Variants in LRP5 observed in about 807,000 individuals in gnomAD.
LRP5 encodes LDL receptor related protein 5.
LRP5 carries 62 observed loss-of-function variants against 154.1 expected under a neutral mutation model. The ratio of observed to expected loss-of-function variants is 0.40; its 90% CI spans 0.33 to 0.50. LRP5 has a LOEUF of 0.50. Ranked by LOEUF, LRP5 falls within the 20% of genes least tolerant of loss-of-function variation. The pLI is 0.55. For synonymous variants in LRP5, 966 were observed against 1,011.5 expected (o/e 0.96, Z 0.85); for missense variants, 1,915 against 2,336.7 (o/e 0.82, Z 3.72).
Position 68,447,018 on chromosome 11 carries a change from A to G in LRP5, c.4586+485A>G, listed in dbSNP as rs538062062. Reference sequence around the variant, plus strand: ...GGATGGTCCGGGCTGCTCACTTGCCACAGTGGCCTGTTTGAGCCCGGGAAG... The same window carrying G: ...GGATGGTCCGGGCTGCTCACTTGCCGCAGTGGCCTGTTTGAGCCCGGGAAG... On this transcript the variant is annotated intron_variant, in intron 22 of 22. Coordinates refer to ENST00000294304, the MANE Select transcript of LRP5 (RefSeq NM_002335.4). The surrounding 1 kb of genome is among the most constrained non-coding windows in gnomAD (Gnocchi z 4.3). 11 of 187,770 alleles carry G rather than the reference A, an allele frequency of 5.9e-5. No individual in the cohort carries two copies. The South Asian group carries it at 9.6e-4, about 16-fold the overall frequency. 11.6% of individuals were successfully genotyped at this position (187,770 alleles called of 1,614,324 possible). A position where few individuals can be genotyped will look rare whatever the true frequency, so the allele number is the denominator to read the frequency against.
intron 11 of LRP5, 74 bp downstream of exon 11, chr11:68,411,694 G>A (rs1343141991): frequency 1.0e-5 from 15 of 1,471,956 alleles, no homozygotes; most frequent in Middle Eastern, 2.2e-4. Flanking sequence ...CAGCCTCGCC[G>A]CACATACCCT....
intron 5 of LRP5, among the ~76,000 whole-genome samples, chr11:68,376,584 G>A (rs536343950): frequency 2.0e-5 from 3 of 152,326 alleles, no homozygotes; most frequent in South Asian, 2.1e-4. Context: ...CGTCCTGGCC[G>A]GCCCCCAAGG....
intron 5 of LRP5, among the ~76,000 whole-genome samples, chr11:68,368,847 C>CTTT (rs1158183018): frequency 1.5e-5 from 2 of 132,200 alleles, no homozygotes; most frequent in African/African-American, 5.8e-5. Flanking sequence ...TGAAGGATAT[C>CTTT]TTTTTTTTTT....
chr11:68,381,949 C>T (rs1011838864), intron 5 of LRP5, among the ~76,000 whole-genome samples: 1 of 152,234 alleles, frequency 6.6e-6, no homozygotes, highest in African/African-American at 2.4e-5. Flanking sequence ...GGTACTCTCT[C>T]TGCAGCTGCT....
chr11:68,411,764 G>C, intron 11 of LRP5, 144 bp downstream of exon 11: 1 of 849,286 alleles, frequency 1.2e-6, no homozygotes, highest in Non-Finnish European at 1.8e-6. Context: ...CTGCCCAGCA[G>C]CCTCACCCTC....
At chr11:68,395,650 C>A (rs2098648891) in intron 7 of LRP5, among the ~76,000 whole-genome samples, 1 of 152,132 alleles carries the variant, frequency 6.6e-6, no homozygotes, top group Non-Finnish European at 1.5e-5. Context: ...CCTTTCTTTA[C>A]CCTCTGTGGC....
intron 6 of LRP5, among the ~76,000 whole-genome samples, chr11:68,389,168 C>T (rs113815563): frequency 5.3e-5 from 8 of 149,732 alleles, no homozygotes; most frequent in Admixed American, 1.3e-4. Flanking sequence ...TTACCGACAC[C>T]GACATTTACC....
At chr11:68,448,710 C>T (rs2098682754) in intron 22 of LRP5, 99 bp from the exon 23 acceptor site, 1 of 1,463,124 alleles carries the variant, frequency 6.8e-7, no homozygotes, top group Non-Finnish European at 9.4e-7. Context: ...TGGAGCTGGC[C>T]AGTGGACAGG....
chr11:68,436,294 CT>C (rs1368212687), intron 18 of LRP5, among the ~76,000 whole-genome samples: 1 of 152,144 alleles, frequency 6.6e-6, no homozygotes, highest in African/African-American at 2.4e-5. Context: ...AGCAAGTTCT[CT>C]GGGGGCAGGC....
intron 6 of LRP5, among the ~76,000 whole-genome samples, chr11:68,387,466 G>A (rs752287903): frequency 6.6e-6 from 1 of 152,196 alleles, no homozygotes; most frequent in Non-Finnish European, 1.5e-5. Flanking sequence ...TTCATCCAGG[G>A]GGGTAGGTAC....
intron 1 of LRP5, among the ~76,000 whole-genome samples, chr11:68,338,747 G>A (rs142824040): frequency 6.6e-6 from 1 of 152,184 alleles, no homozygotes; most frequent in African/African-American, 2.4e-5. Context: ...AAAAGAAGAC[G>A]TTCCCAGGGG....
intron 4 of LRP5, among the ~76,000 whole-genome samples, chr11:68,364,787 G>A (rs2098630027): frequency 6.6e-6 from 1 of 152,188 alleles, no homozygotes; most frequent in Non-Finnish European, 1.5e-5. Flanking sequence ...ACACAGGAGG[G>A]TGGGGCTCTC....
chr11:68,310,211 G>T (rs1343854890), upstream of LRP5, among the ~76,000 whole-genome samples: 1 of 152,130 alleles, frequency 6.6e-6, no homozygotes, highest in Non-Finnish European at 1.5e-5. Context: ...TTTCAACAGG[G>T]GTCCTCAGGC....
Position 68,408,757 on chromosome 11 carries a change from G to A in LRP5, c.2092-1157G>A, listed in dbSNP as rs140172569. ...TTAACTGTTCTTTTATTTTGCGTGT[G>A]CTGGTTACAGCCGGGCACAGTGGCT... is the stretch of plus-strand genomic sequence containing the variant. On this transcript the variant is annotated intron_variant, in intron 9 of 22. Transcript: ENST00000294304. 4.3e-3 allele frequency among the ~76,000 whole-genome samples: 649 copies of A among 152,068 alleles called. 7 individuals are homozygous for A. The highest frequency in any genetic ancestry group is 0.038 in the South Asian group (185 of 4,828).
In LRP5 at chr11:68,383,459, G is replaced by A. The variant is rs376447856; in HGVS notation, c.1016-2857G>A. ...AGTGGCTGTTAAGCAGGGACCTTTCGTGAAGTGGAGTCTCTGGTCCCCTCC... is the reference window on the plus strand; with the variant it reads ...AGTGGCTGTTAAGCAGGGACCTTTCATGAAGTGGAGTCTCTGGTCCCCTCC... On this transcript the variant is annotated intron_variant, in intron 5 of 22. Coordinates refer to ENST00000294304, the MANE Select transcript of LRP5 (RefSeq NM_002335.4). Among the ~76,000 whole-genome samples, 6 of 152,218 alleles carry A rather than the reference G, an allele frequency of 3.9e-5. No individual in the cohort carries two copies. The South Asian group carries it at 6.2e-4, about 16-fold the overall frequency.
intron 1 of LRP5, among the ~76,000 whole-genome samples, chr11:68,328,550 G>A (rs1298740786): frequency 1.3e-5 from 2 of 152,158 alleles, no homozygotes; most frequent in Non-Finnish European, 2.9e-5. Context: ...GGGCTGGGAC[G>A]TCCCACCTCC....
rs1487934577 is a variant in LRP5 at position 68,444,577 on chromosome 11, AC to A, written c.4489-1853del. On this transcript the variant is annotated intron_variant, in intron 21 of 22. Coordinates refer to ENST00000294304, the MANE Select transcript of LRP5 (RefSeq NM_002335.4). Reference sequence around the variant, plus strand: ...GTGGCCTCCCCAGCCCCCACCCCCCACCCCCCACCCTGGGCCGAGATCCAGT... The same window carrying A: ...GTGGCCTCCCCAGCCCCCACCCCCCACCCCCACCCTGGGCCGAGATCCAGT... 2.2e-3 allele frequency among the ~76,000 whole-genome samples: 113 copies of A among 50,790 alleles called. 1 individual carries two copies. Among genetic ancestry groups the A allele is most frequent in the African/African-American group, 9.3e-3 (109 of 11,716 alleles). The allele number at this position is 50,790 out of a possible 152,430, so 33.3% of individuals were successfully genotyped here. A position where few individuals can be genotyped will look rare whatever the true frequency, so the allele number is the denominator to read the frequency against.
intron 17 of LRP5, 80 bp downstream of exon 17, chr11:68,429,780 T>A (rs1390880739): frequency 1.3e-6 from 2 of 1,577,758 alleles, no homozygotes; most frequent in African/African-American, 1.3e-5. Context: ...CCTGGCATCC[T>A]TTTAAAATCA....
At chr11:68,403,351 G>A (rs1361874401) in intron 7 of LRP5, 132 bp from the exon 8 acceptor site, 21 of 731,504 alleles carry the variant, frequency 2.9e-5, no homozygotes, top group Non-Finnish European at 4.2e-5. Context: ...CTGGCAAGGT[G>A]CAGGTAAAGT....
Sources: allele counts gnomAD v4.1 joint callset (sites outside exome capture counted in the v4.1 genomes callset), GRCh38; gene constraint gnomAD v4.1.1; non-coding constraint Gnocchi (gnomAD v3.1); transcripts MANE v1.5; gene names NCBI Gene and HGNC (gene_info 2026-07-23, HGNC 2026-07-21).